Variants in EYS observed in about 807,000 individuals in gnomAD.
The protein encoded by EYS is EGF-like photoreceptor maintenance factor, also known as protein eyes shut homolog.
EYS carries 250 observed loss-of-function variants against 282.1 expected under a neutral mutation model. The ratio of observed to expected loss-of-function variants is 0.89; its 90% CI spans 0.80 to 0.98. The LOEUF is 0.98. Ranked by LOEUF, EYS falls within the 50% of genes least tolerant of loss-of-function variation. The probability of loss-of-function intolerance (pLI) is 0.00; values close to 1 mark genes in which losing one functional copy is unlikely to be tolerated. For missense variants in EYS, 4,016 were observed against 3,709.0 expected (o/e 1.08, Z -2.15); for synonymous variants, 1,355 against 1,282.9 (o/e 1.06, Z -1.20).
intron 31 of EYS, among the ~76,000 whole-genome samples, chr6:64,112,018 C>T (rs961739490): frequency 3.3e-5 from 5 of 151,918 alleles, no homozygotes; most frequent in African/African-American, 1.2e-4. Context: ...CTCTGTTATT[C>T]CATGCAGCTG....
intron 30 of EYS, among the ~76,000 whole-genome samples, chr6:64,249,753 G>C (rs1367929808): frequency 6.6e-6 from 1 of 152,190 alleles, no homozygotes; most frequent in Non-Finnish European, 1.5e-5. Flanking sequence ...CTGGAGAGAG[G>C]AATGCATCTA....
chr6:65,680,505 G>A (rs1768777429), intron 1 of EYS, among the ~76,000 whole-genome samples: 1 of 151,892 alleles, frequency 6.6e-6, no homozygotes, highest in Non-Finnish European at 1.5e-5. Flanking sequence ...GTCTATTAAT[G>A]ACAGTAAAGT....
intron 12 of EYS, among the ~76,000 whole-genome samples, chr6:65,292,205 T>C (rs1326919582): frequency 6.6e-6 from 1 of 151,730 alleles, no homozygotes; most frequent in Admixed American, 6.6e-5. Context: ...AAAGAAAATA[T>C]ATACAAAATA....
chr6:64,304,382 C>T (rs532700875), intron 30 of EYS, among the ~76,000 whole-genome samples: 13 of 152,112 alleles, frequency 8.5e-5, no homozygotes, highest in South Asian at 4.2e-4. Flanking sequence ...AATAGAGCAA[C>T]GATGTAAAAG....
At chr6:64,230,033 G>A (rs552698538) in intron 31 of EYS, among the ~76,000 whole-genome samples, 11 of 152,262 alleles carry the variant, frequency 7.2e-5, no homozygotes, top group African/African-American at 2.4e-4. Flanking sequence ...TAGTTGTCTA[G>A]CATTTCCCTA....
intron 13 of EYS, among the ~76,000 whole-genome samples, chr6:65,050,605 A>T (rs1773242470): frequency 6.6e-6 from 1 of 151,612 alleles, no homozygotes; most frequent in South Asian, 2.1e-4. Flanking sequence ...TTGTTTGGGT[A>T]GCCCAGCCAA....
intron 12 of EYS, among the ~76,000 whole-genome samples, chr6:65,184,089 T>C (rs1450322205): frequency 6.6e-6 from 1 of 151,962 alleles, no homozygotes; most frequent in Non-Finnish European, 1.5e-5. Context: ...TTTCAGAATA[T>C]GTTATGAATG....
intron 29 of EYS, among the ~76,000 whole-genome samples, chr6:64,356,013 T>C (rs116425221): frequency 0.015 from 2,265 of 151,734 alleles, 15 homozygotes; most frequent in East Asian, 0.033. Flanking sequence ...AAGTTTTCCC[T>C]TTCTGCAAAA....
chr6:64,704,767 C>T (rs892685819), intron 22 of EYS, among the ~76,000 whole-genome samples: 1 of 151,894 alleles, frequency 6.6e-6, no homozygotes, highest in South Asian at 2.1e-4. Context: ...TACAGCTGTT[C>T]CACAAACCTG....
At chr6:65,654,726 A>G (rs1197734161) in intron 1 of EYS, among the ~76,000 whole-genome samples, 2 of 151,730 alleles carry the variant, frequency 1.3e-5, no homozygotes, top group African/African-American at 4.8e-5. Flanking sequence ...AACGCTCAAT[A>G]AAAGGGAAAA....
intron 2 of EYS, among the ~76,000 whole-genome samples, chr6:65,548,360 C>A: frequency 6.6e-6 from 1 of 152,264 alleles, no homozygotes; most frequent in Non-Finnish European, 1.5e-5. Flanking sequence ...ATGGCAACTT[C>A]TTTTTCTAAT....
intron 11 of EYS, among the ~76,000 whole-genome samples, chr6:65,325,084 T>C (rs910538024): frequency 1.3e-5 from 2 of 152,140 alleles, no homozygotes; most frequent in African/African-American, 4.8e-5. Context: ...CTGGCCCTGG[T>C]AACAAGGTGG....
chr6:64,933,041 T>C (rs551276069), intron 15 of EYS, among the ~76,000 whole-genome samples: 35 of 152,066 alleles, frequency 2.3e-4, no homozygotes, highest in African/African-American at 8.2e-4. Context: ...TGCACAGAAA[T>C]AAAACCAGTA....
chr6:63,971,053 T>A (rs1214646063), intron 35 of EYS, among the ~76,000 whole-genome samples: 1 of 152,190 alleles, frequency 6.6e-6, no homozygotes, highest in Admixed American at 6.5e-5. Flanking sequence ...TTGTAACATT[T>A]AGGGTACTTT....
At chr6:65,458,440 T>C (rs1417108201) in intron 5 of EYS, among the ~76,000 whole-genome samples, 2 of 152,044 alleles carry the variant, frequency 1.3e-5, no homozygotes, top group Non-Finnish European at 2.9e-5. Context: ...TCAGGGAATA[T>C]CCCATGAGAA....
At chr6:64,390,620 C>T (rs997935927) in intron 28 of EYS, among the ~76,000 whole-genome samples, 25 of 151,182 alleles carry the variant, frequency 1.7e-4, no homozygotes, top group Admixed American at 1.3e-3. Context: ...AAAAACCCAT[C>T]TGTACATCAC....
chr6:65,200,010 A>G (rs1211423210), intron 12 of EYS, among the ~76,000 whole-genome samples: 2 of 152,156 alleles, frequency 1.3e-5, no homozygotes, highest in Non-Finnish European at 2.9e-5. Flanking sequence ...TCTTATTTTG[A>G]ATATGATGAA....
chr6:63,900,205 T>A (rs1305892332), intron 35 of EYS, among the ~76,000 whole-genome samples: 1 of 152,214 alleles, frequency 6.6e-6, no homozygotes, highest in East Asian at 1.9e-4. Flanking sequence ...TATTTACTTA[T>A]TTATCCTTAG....
intron 19 of EYS, among the ~76,000 whole-genome samples, chr6:64,872,746 A>C (rs371038822): frequency 6.6e-6 from 1 of 152,146 alleles, no homozygotes; most frequent in African/African-American, 2.4e-5. Context: ...ATTATCTTAG[A>C]GTCTCAAAGG....
Sources: allele counts gnomAD v4.1 joint callset (sites outside exome capture counted in the v4.1 genomes callset), GRCh38; gene constraint gnomAD v4.1.1; transcripts MANE v1.5; gene names NCBI Gene and HGNC (gene_info 2026-07-23, HGNC 2026-07-21).